Variants in MIR2052HG observed in about 807,000 individuals in gnomAD.
MIR2052HG encodes MIR2052 host gene.
chr8:74,751,989 C>G (rs1809951272), intron 4 of MIR2052HG, among the ~76,000 whole-genome samples: 1 of 151,838 alleles, frequency 6.6e-6, no homozygotes, highest in South Asian at 2.1e-4. Context: ...TCAAAAACTG[C>G]TATTAAAAAC....
At chr8:74,709,537 AT>A (rs895876203) in intron 4 of MIR2052HG, among the ~76,000 whole-genome samples, 1 of 151,910 alleles carries the variant, frequency 6.6e-6, no homozygotes, top group African/African-American at 2.4e-5. Flanking sequence ...CTGTTTCAGA[AT>A]TTTTTTTCAA....
chr8:74,661,218 T>TC (rs980583076), intron 2 of MIR2052HG, among the ~76,000 whole-genome samples: 43 of 149,840 alleles, frequency 2.9e-4, no homozygotes, highest in African/African-American at 2.7e-4. Context: ...TTTTTTTTTT[T>TC]CGAGACAGAG....
At chr8:74,740,110 T>C (rs1188825974) in intron 4 of MIR2052HG, among the ~76,000 whole-genome samples, 2 of 152,238 alleles carry the variant, frequency 1.3e-5, no homozygotes, top group Non-Finnish European at 1.5e-5. Flanking sequence ...TAAAAAATTA[T>C]TATTATTTCC....
At chr8:74,662,491 G>T (rs1184640508) in intron 2 of MIR2052HG, among the ~76,000 whole-genome samples, 2 of 151,930 alleles carry the variant, frequency 1.3e-5, no homozygotes, top group Non-Finnish European at 2.9e-5. Context: ...TGCATGCGGG[G>T]CTTAAAACCC....
chr8:74,712,263 T>C (rs1809475500), intron 4 of MIR2052HG, among the ~76,000 whole-genome samples: 1 of 152,298 alleles, frequency 6.6e-6, no homozygotes, highest in Admixed American at 6.5e-5. Context: ...GGGTAAATGC[T>C]TAGGAGGTAT....
At chr8:74,674,025 G>C (rs1014194156) in intron 2 of MIR2052HG, among the ~76,000 whole-genome samples, 1 of 150,246 alleles carries the variant, frequency 6.7e-6, no homozygotes, top group Non-Finnish European at 1.5e-5. Context: ...CAAGCAATTA[G>C]TCTCCATGCA....
At chr8:74,736,354 A>G (rs1156870684) in intron 4 of MIR2052HG, among the ~76,000 whole-genome samples, 1 of 152,198 alleles carries the variant, frequency 6.6e-6, no homozygotes. Context: ...TTGTAATGTG[A>G]TATTTTACCT....
chr8:74,648,238 A>G (rs1808714339), intron 2 of MIR2052HG, among the ~76,000 whole-genome samples: 1 of 152,166 alleles, frequency 6.6e-6, no homozygotes, highest in African/African-American at 2.4e-5. Context: ...GGGGAGGTCT[A>G]TGAATGGCTG....
intron 4 of MIR2052HG, among the ~76,000 whole-genome samples, chr8:74,744,539 T>C (rs1238123447): frequency 2.0e-5 from 3 of 151,238 alleles, no homozygotes; most frequent in South Asian, 2.1e-4. Context: ...TGTGATCTCA[T>C]TGTTCAATTC....
At chr8:74,702,624 A>C (rs1249907298) in intron 3 of MIR2052HG, among the ~76,000 whole-genome samples, 2 of 152,136 alleles carry the variant, frequency 1.3e-5, no homozygotes, top group Non-Finnish European at 2.9e-5. Context: ...TTTCACCCCA[A>C]AGAAATAAAA....
intron 2 of MIR2052HG, among the ~76,000 whole-genome samples, chr8:74,672,160 T>C (rs568572902): frequency 7.9e-5 from 12 of 152,264 alleles, no homozygotes; most frequent in African/African-American, 2.6e-4. Context: ...ATTATACTTC[T>C]ATTTTTCTTA....
At chr8:74,739,109 A>AGT (rs1282949364) in intron 4 of MIR2052HG, among the ~76,000 whole-genome samples, 1 of 152,200 alleles carries the variant, frequency 6.6e-6, no homozygotes, top group Non-Finnish European at 1.5e-5. Flanking sequence ...AAATTAGAGT[A>AGT]GTGTGTATTT....
intron 2 of MIR2052HG, among the ~76,000 whole-genome samples, chr8:74,621,154 A>T (rs1563514960): frequency 6.6e-6 from 1 of 152,190 alleles, no homozygotes; most frequent in Non-Finnish European, 1.5e-5. Flanking sequence ...CATTTTGGTC[A>T]AAGCCATTCA....
intron 3 of MIR2052HG, chr8:74,702,463 C>T (rs1409004492): frequency 2.2e-6 from 1 of 451,858 alleles, no homozygotes; most frequent in Non-Finnish European, 4.5e-6. Context: ...CAAGGTAAGT[C>T]AGTTCTTCTG....
intron 4 of MIR2052HG, among the ~76,000 whole-genome samples, chr8:74,743,513 GTCTT>G (rs1809852964): frequency 2.0e-5 from 3 of 152,284 alleles, no homozygotes; most frequent in African/African-American, 7.2e-5. Flanking sequence ...TAATCTGAGA[GTCTT>G]TCATAAAACA....
chr8:74,646,927 C>CAAATAAATAAATAAAT (rs55655738), intron 2 of MIR2052HG, among the ~76,000 whole-genome samples: 63 of 151,226 alleles, frequency 4.2e-4, no homozygotes, highest in Non-Finnish European at 5.0e-4. Context: ...AACCCTGTCT[C>CAAATAAATAAATAAAT]AAATAAATAA....
chr8:74,707,233 T>A (rs369020124), intron 4 of MIR2052HG, among the ~76,000 whole-genome samples: 1 of 152,130 alleles, frequency 6.6e-6, no homozygotes, highest in East Asian at 1.9e-4. Context: ...TTACATTGAG[T>A]GTTTGAGGTT....
At chr8:74,671,122 G>GTGTT in intron 2 of MIR2052HG, among the ~76,000 whole-genome samples, 1 of 152,026 alleles carries the variant, frequency 6.6e-6, no homozygotes, top group African/African-American at 2.4e-5. Flanking sequence ...ACGTGTGTGT[G>GTGTT]TGTGTGTGTG....
chr8:74,602,877 T>TTTCTTTCTTTTCTTTCTTTC (rs1808041801), intron 1 of MIR2052HG, among the ~76,000 whole-genome samples: 1 of 53,790 alleles, frequency 1.9e-5, no homozygotes, highest in Admixed American at 1.8e-4. Context: ...TTCTTTCTTT[T>TTTCTTTCTTTTCTTTCTTTC]TTCTATTCAC....
Sources: allele counts gnomAD v4.1 joint callset (sites outside exome capture counted in the v4.1 genomes callset), GRCh38; gene constraint gnomAD v4.1.1; transcripts MANE v1.5; gene names NCBI Gene and HGNC (gene_info 2026-07-23, HGNC 2026-07-21).